Variants in CNTNAP3B observed in about 807,000 individuals in gnomAD.
CNTNAP3B encodes contactin-associated protein-like 3B.
CNTNAP3B carries 25 observed loss-of-function variants against 108.9 expected under a neutral mutation model. The ratio of observed to expected loss-of-function variants is 0.23; its 90% CI spans 0.17 to 0.32. The LOEUF (loss-of-function observed/expected upper bound fraction) is 0.32, where lower values mean the gene tolerates loss of function less well. Ranked by LOEUF, CNTNAP3B falls within the 10% of genes least tolerant of loss-of-function variation. The pLI is 1.00. For synonymous variants in CNTNAP3B, 103 were observed against 473.4 expected (o/e 0.22, Z 10.16); for missense variants, 252 against 1,210.4 (o/e 0.21, Z 11.75).
At position 42,056,777 on chromosome 9, in the gene CNTNAP3B, A is replaced by G. The variant is rs1023224768; in HGVS notation, c.390+20092T>C. Among the ~76,000 whole-genome samples the G allele has an allele frequency of 6.7e-5, 8 of 120,290 alleles. 2 individuals are homozygous for G. The highest frequency in any genetic ancestry group is 2.5e-4 in the African/African-American group (7 of 28,268). 78.9% of individuals were successfully genotyped at this position (120,290 alleles called of 152,430 possible). A position where few individuals can be genotyped will look rare whatever the true frequency, so the allele number is the denominator to read the frequency against. On this transcript the variant is annotated intron_variant, in intron 3 of 23. Coordinates refer to ENST00000377561, the MANE Select transcript of CNTNAP3B (RefSeq NM_001201380.3). The stretch of plus-strand genomic sequence containing the variant: ...GAGCACTTTACAAAAAAACTGTGTC[A>G]TGTATATTAAAATATTATTTCCCAT...
chr9:41,943,003 G>A (rs879063579), intron 13 of CNTNAP3B, among the ~76,000 whole-genome samples: 5 of 152,328 alleles, frequency 3.3e-5, no homozygotes. Flanking sequence ...CTTATGAGAC[G>A]AATCAAGCAA....
At chr9:42,045,291 A>G in intron 3 of CNTNAP3B, among the ~76,000 whole-genome samples, 1 of 120,706 alleles carries the variant, frequency 8.3e-6, no homozygotes, top group Non-Finnish European at 1.7e-5. Context: ...TATTGTAAGA[A>G]ACTCAACATG....
At chr9:42,024,629 A>T in intron 3 of CNTNAP3B, among the ~76,000 whole-genome samples, 1 of 127,692 alleles carries the variant, frequency 7.8e-6, no homozygotes, top group South Asian at 2.6e-4. Flanking sequence ...AACAAAAAAA[A>T]GGTCAGAAGA....
At chr9:42,117,202 C>T (rs1828338295) in intron 1 of CNTNAP3B, among the ~76,000 whole-genome samples, 2 of 135,454 alleles carry the variant, frequency 1.5e-5, no homozygotes, top group African/African-American at 3.0e-5. Flanking sequence ...AACTCTCCAC[C>T]CCAAATCAAT....
At chr9:41,972,753 G>T (rs1320044446) in intron 9 of CNTNAP3B, among the ~76,000 whole-genome samples, 3 of 134,766 alleles carry the variant, frequency 2.2e-5, no homozygotes, top group African/African-American at 8.9e-5. Flanking sequence ...TGAAGAATGG[G>T]ATAGAGAGTG....
intron 13 of CNTNAP3B, among the ~76,000 whole-genome samples, chr9:41,942,241 C>A (rs1222023165): frequency 6.6e-6 from 1 of 152,218 alleles, no homozygotes; most frequent in Non-Finnish European, 1.5e-5. Flanking sequence ...TTTGGGAGGC[C>A]GAGGCGGGCA....
intron 3 of CNTNAP3B, among the ~76,000 whole-genome samples, chr9:42,042,959 G>C (rs1336260355): frequency 1.3e-5 from 2 of 148,914 alleles, no homozygotes; most frequent in Admixed American, 6.7e-5. Flanking sequence ...ATAGCCCAAA[G>C]AAAATGGGAT....
At position 42,123,655 on chromosome 9, in the gene CNTNAP3B, G is replaced by GTA. The variant is rs991118583; in HGVS notation, c.85+5353_85+5354dup. ...AAGCCTTCTAAAAGATTCCCAATAT[G>GTA]TATATATATCATTTTCCTAACTCTA... is the stretch of plus-strand genomic sequence containing the variant. On this transcript the variant is annotated intron_variant, in intron 1 of 23. Transcript: ENST00000377561. Among the ~76,000 whole-genome samples the GTA allele has an allele frequency of 3.4e-4, 46 of 136,558 alleles. 5 individuals carry two copies. The highest frequency in any genetic ancestry group is 6.2e-4 in the Non-Finnish European group (40 of 64,396). 89.6% of individuals were successfully genotyped at this position (136,558 alleles called of 152,430 possible).
intron 1 of CNTNAP3B, among the ~76,000 whole-genome samples, chr9:42,127,717 C>A (rs565028545): frequency 7.2e-6 from 1 of 139,454 alleles, no homozygotes; most frequent in African/African-American, 2.9e-5. Context: ...CTGACCAAAG[C>A]AATCCGGAGC....
chr9:41,990,896 G>A (rs1825793833), intron 8 of CNTNAP3B, among the ~76,000 whole-genome samples: 1 of 139,532 alleles, frequency 7.2e-6, no homozygotes, highest in South Asian at 2.3e-4. Flanking sequence ...ACAAAAACAG[G>A]CCCTGATGGG....
chr9:41,997,458 CCTATTA>C (rs1825920654), intron 6 of CNTNAP3B, 104 bp downstream of exon 6: 1 of 1,373,672 alleles, frequency 7.3e-7, no homozygotes, highest in Non-Finnish European at 9.9e-7. Flanking sequence ...GACAGACATA[CCTATTA>C]CTATTAGTCA....
chr9:41,939,585 G>A (rs571256669), intron 13 of CNTNAP3B, among the ~76,000 whole-genome samples: 1 of 152,402 alleles, frequency 6.6e-6, no homozygotes, highest in East Asian at 1.9e-4. Flanking sequence ...TGTGCTAAAA[G>A]CTTGTCACTA....
intron 14 of CNTNAP3B, among the ~76,000 whole-genome samples, chr9:41,934,312 A>G (rs1408968450): frequency 6.6e-6 from 1 of 151,224 alleles, no homozygotes; most frequent in East Asian, 1.9e-4. Context: ...TCCGCCTTCC[A>G]GGTTCATGCC....
At chr9:41,943,544 TG>T (rs1236643013) in intron 13 of CNTNAP3B, among the ~76,000 whole-genome samples, 28 of 151,690 alleles carry the variant, frequency 1.8e-4, no homozygotes, top group African/African-American at 6.6e-4. Context: ...AGTAGAGACG[TG>T]GTTTCCCCGT....
At chr9:41,960,475 A>T (rs1300617564) in intron 12 of CNTNAP3B, among the ~76,000 whole-genome samples, 1 of 152,130 alleles carries the variant, frequency 6.6e-6, no homozygotes, top group African/African-American at 2.4e-5. Flanking sequence ...TACAGAAAGC[A>T]TGTAAATCAC....
At position 41,979,040 on chromosome 9, in the gene CNTNAP3B, G is replaced by A. The variant is rs1335050256; in HGVS notation, c.1477+7128C>T. On this transcript the variant is annotated intron_variant, in intron 9 of 23. Transcript: ENST00000377561. ...GGGTTCATCCCCAGGTGGGATGTGG[G>A]GTCAGGGAGGAACCCAGTAAACAGC... is the stretch of plus-strand genomic sequence containing the variant. Among the ~76,000 whole-genome samples the A allele has an allele frequency of 2.2e-5, 3 of 138,594 alleles. 1 individual carries two copies. The highest frequency in any genetic ancestry group is 8.7e-5 in the African/African-American group (3 of 34,680). 90.9% of individuals were successfully genotyped at this position (138,594 alleles called of 152,430 possible). A position where few individuals can be genotyped will look rare whatever the true frequency, so the allele number is the denominator to read the frequency against.
At position 42,093,334 on chromosome 9, in the gene CNTNAP3B, G is replaced by C. The variant is rs1302236492; in HGVS notation, c.196+11295C>G. Among the ~76,000 whole-genome samples, 2 of 95,264 alleles carry C rather than the reference G, an allele frequency of 2.1e-5. 1 individual carries two copies. Among genetic ancestry groups the C allele is most frequent in the East Asian group, 1.1e-3 (2 of 1,784 alleles). 62.5% of individuals were successfully genotyped at this position (95,264 alleles called of 152,430 possible). The stretch of plus-strand genomic sequence containing the variant: ...CACTCCAGCCTGGGTGACAGGGTGA[G>C]GCTCCATCTCAAAAACCAAACCAAA... On this transcript the variant is annotated intron_variant, in intron 2 of 23. Transcript: ENST00000377561.
rs564073292 is a variant in CNTNAP3B, at chr9:42,114,750, C to A, written c.86-10011G>T. Among the ~76,000 whole-genome samples the A allele has an allele frequency of 1.6e-3, 218 of 132,240 alleles. 30 individuals carry two copies. Among genetic ancestry groups the A allele is most frequent in the Non-Finnish European group, 2.6e-3 (164 of 63,032 alleles). The allele number at this position is 132,240 out of a possible 152,430, so 86.8% of individuals were successfully genotyped here. ...AAATGAAACCCAGAAAAAACATGTTCCACTGAAGAAGAGAGAAATGGGCAA... is the reference window on the plus strand; with the variant it reads ...AAATGAAACCCAGAAAAAACATGTTACACTGAAGAAGAGAGAAATGGGCAA... On this transcript the variant is annotated intron_variant, in intron 1 of 23. Coordinates refer to ENST00000377561, the MANE Select transcript of CNTNAP3B (RefSeq NM_001201380.3).
At chr9:42,018,658 G>C (rs1189066448) in intron 3 of CNTNAP3B, among the ~76,000 whole-genome samples, 1 of 151,706 alleles carries the variant, frequency 6.6e-6, no homozygotes, top group Non-Finnish European at 1.5e-5. Flanking sequence ...GCTCCAGCAG[G>C]ATGCTGACTC....
Sources: allele counts gnomAD v4.1 joint callset (sites outside exome capture counted in the v4.1 genomes callset), GRCh38; gene constraint gnomAD v4.1.1; transcripts MANE v1.5; gene names NCBI Gene and HGNC (gene_info 2026-07-23, HGNC 2026-07-21).